Variants in SHISA9 observed in about 807,000 individuals in gnomAD.
The protein encoded by SHISA9 is protein shisa-9.
Under a neutral mutation model 38.0 loss-of-function variants are expected in SHISA9, and 13 were observed. The ratio of observed to expected loss-of-function variants is 0.34; its 90% CI spans 0.22 to 0.54. SHISA9 has a LOEUF of 0.54. Ranked by LOEUF, SHISA9 falls within the 20% of genes least tolerant of loss-of-function variation. The pLI is 0.91. For synonymous variants in SHISA9, 275 were observed against 242.0 expected, an observed-to-expected ratio of 1.14 and a Z score of -1.27; for missense variants, 538 against 575.8, an observed-to-expected ratio of 0.93 and a Z score of 0.67.
intron 2 of SHISA9, among the ~76,000 whole-genome samples, chr16:12,976,355 C>A (rs773966337): frequency 1.3e-5 from 2 of 152,084 alleles, no homozygotes; most frequent in East Asian, 3.9e-4. Flanking sequence ...CCTCCCAAAG[C>A]GTTGGGATTA....
At chr16:13,170,128 G>A (rs554144136) in intron 2 of SHISA9, among the ~76,000 whole-genome samples, 4 of 151,250 alleles carry the variant, frequency 2.6e-5, no homozygotes, top group African/African-American at 7.3e-5. Flanking sequence ...GCTTGAACCT[G>A]GGAGGTGGAG....
intron 2 of SHISA9, among the ~76,000 whole-genome samples, chr16:12,928,169 ATCT>A (rs1377384186): frequency 8.3e-5 from 6 of 72,646 alleles, no homozygotes; most frequent in African/African-American, 5.1e-4. Flanking sequence ...ACTTTTTCTT[ATCT>A]TATATTTTTT....
the SHISA9 span, among the ~76,000 whole-genome samples, chr16:13,524,609 A>T: frequency 6.6e-6 from 1 of 152,146 alleles, no homozygotes; most frequent in East Asian, 1.9e-4. Context: ...CCCAGACTGG[A>T]GTGTAGTGGT....
chr16:13,379,596 G>T, the SHISA9 span, among the ~76,000 whole-genome samples: 1 of 152,170 alleles, frequency 6.6e-6, no homozygotes, highest in Non-Finnish European at 1.5e-5. Flanking sequence ...GAACACAACC[G>T]GGGTAATGTC....
downstream of SHISA9, among the ~76,000 whole-genome samples, chr16:13,243,325 G>A (rs954658370): frequency 4.6e-5 from 7 of 152,110 alleles, no homozygotes; most frequent in Non-Finnish European, 1.0e-4. Flanking sequence ...CTGATGACAT[G>A]TGCCCAGGGT....
At chr16:13,345,348 CAT>C in the SHISA9 span, among the ~76,000 whole-genome samples, 4 of 152,120 alleles carry the variant, frequency 2.6e-5, no homozygotes, top group East Asian at 7.7e-4. Context: ...TAAGTGAGAA[CAT>C]GTGGTATTTG....
At chr16:12,982,186 G>A (rs1179867555) in intron 2 of SHISA9, among the ~76,000 whole-genome samples, 1 of 152,164 alleles carries the variant, frequency 6.6e-6, no homozygotes, top group African/African-American at 2.4e-5. Flanking sequence ...CTTCTGCCTC[G>A]AGAGCTCACA....
chr16:13,435,451 C>T, the SHISA9 span, among the ~76,000 whole-genome samples: 1 of 152,198 alleles, frequency 6.6e-6, no homozygotes, highest in Non-Finnish European at 1.5e-5. Flanking sequence ...TCAAGCCCAC[C>T]TTGGTGGAAA....
chr16:13,051,818 G>A (rs2073254731), intron 2 of SHISA9, among the ~76,000 whole-genome samples: 2 of 151,214 alleles, frequency 1.3e-5, no homozygotes, highest in African/African-American at 4.9e-5. Flanking sequence ...AGGCTGGAGT[G>A]CAGAGGCACG....
At chr16:13,014,089 C>T (rs1291019231) in intron 2 of SHISA9, among the ~76,000 whole-genome samples, 2 of 152,174 alleles carry the variant, frequency 1.3e-5, no homozygotes, top group Non-Finnish European at 2.9e-5. Context: ...GGTGCACCTG[C>T]CTCATAAGAA....
chr16:13,208,475 C>T (rs1226471767), intron 3 of SHISA9, among the ~76,000 whole-genome samples: 1 of 127,152 alleles, frequency 7.9e-6, no homozygotes, highest in Non-Finnish European at 1.6e-5. Context: ...GAGTTTGGCT[C>T]CTATCACCCA....
downstream of SHISA9, among the ~76,000 whole-genome samples, chr16:13,243,443 T>TG (rs1322095062): frequency 2.0e-5 from 3 of 151,900 alleles, no homozygotes; most frequent in Non-Finnish European, 4.4e-5. Context: ...CAACTCAAAG[T>TG]GGGGGGGCTT....
rs181749369 is a variant in SHISA9 at position 13,178,480 on chromosome 16, C to T, written c.692-24914C>T. Among the ~76,000 whole-genome samples, 5 of 152,236 alleles carry T rather than the reference C, an allele frequency of 3.3e-5. No homozygotes were observed. The East Asian group carries it at 7.7e-4, about 24-fold the overall frequency. ...TTCTTCCAATCACTCTCCAAGCTCCCGACACAGCAGATGGAGCTGGTGCCC... is the reference window on the plus strand; with the variant it reads ...TTCTTCCAATCACTCTCCAAGCTCCTGACACAGCAGATGGAGCTGGTGCCC... On this transcript the variant is annotated intron_variant, in intron 2 of 4. Coordinates refer to ENST00000558583, the MANE Select transcript of SHISA9 (RefSeq NM_001145204.3).
chr16:13,217,699 G>C (rs1050142230), intron 4 of SHISA9, among the ~76,000 whole-genome samples: 2 of 152,156 alleles, frequency 1.3e-5, no homozygotes, highest in African/African-American at 4.8e-5. Flanking sequence ...TTTGGAGATA[G>C]CTCTTAGTCA....
chr16:12,960,211 C>T (rs576224148), intron 2 of SHISA9, among the ~76,000 whole-genome samples: 115 of 152,316 alleles, frequency 7.6e-4, no homozygotes, highest in African/African-American at 2.7e-3. Context: ...TCCTACTTGT[C>T]ATTCTTTTTC....
chr16:12,968,569 TATC>T (rs1250746522), intron 2 of SHISA9, among the ~76,000 whole-genome samples: 10 of 152,310 alleles, frequency 6.6e-5, no homozygotes, highest in African/African-American at 2.4e-4. Flanking sequence ...TAAAATGAAA[TATC>T]ATACATTTTT....
At chr16:13,431,975 C>A in the SHISA9 span, among the ~76,000 whole-genome samples, 2 of 152,198 alleles carry the variant, frequency 1.3e-5, no homozygotes, top group African/African-American at 2.4e-5. Context: ...GCAGGAGAAT[C>A]TCTTAAGCCC....
chr16:13,484,144 C>A, the SHISA9 span, among the ~76,000 whole-genome samples: 1 of 152,056 alleles, frequency 6.6e-6, no homozygotes. Flanking sequence ...AGCTGGTATT[C>A]CCTGCTTGGC....
At chr16:13,330,362 TTAAC>T in the SHISA9 span, among the ~76,000 whole-genome samples, 7 of 152,226 alleles carry the variant, frequency 4.6e-5, no homozygotes, top group Non-Finnish European at 1.0e-4. Flanking sequence ...AGCTATCTTG[TTAAC>T]TATAACAAGA....
Sources: gnomAD v4.1 joint callset for allele counts (sites outside exome capture counted in the v4.1 genomes callset) on GRCh38, gnomAD v4.1.1 for gene constraint, MANE v1.5 for transcripts, NCBI Gene and HGNC (gene_info 2026-07-23, HGNC 2026-07-21) for gene names.